Variants in UST observed in about 807,000 individuals in gnomAD.
UST encodes uronyl 2-sulfotransferase, also known as chondroitin sulfate 2-O-sulfotransferase.
UST carries 21 observed loss-of-function variants against 45.6 expected under a neutral mutation model. The observed-to-expected ratio is 0.46, with a 90% CI of 0.33 to 0.66. The LOEUF (loss-of-function observed/expected upper bound fraction) is 0.66. UST is among the 30% of genes least tolerant of loss of function. UST has a pLI of 0.02. For missense variants in UST, 463 were observed against 512.4 expected, an observed-to-expected ratio of 0.90 and a Z score of 0.93; for synonymous variants, 215 against 200.6, an observed-to-expected ratio of 1.07 and a Z score of -0.61.
chr6:148,766,984 T>G (rs866054082), intron 1 of UST, among the ~76,000 whole-genome samples: 1 of 152,250 alleles, frequency 6.6e-6, no homozygotes, highest in Non-Finnish European at 1.5e-5. Flanking sequence ...TCTCAAACTT[T>G]AATGTGCATG....
intron 2 of UST, among the ~76,000 whole-genome samples, chr6:148,936,973 G>C (rs1780038599): frequency 6.6e-6 from 1 of 152,110 alleles, no homozygotes; most frequent in Non-Finnish European, 1.5e-5. Flanking sequence ...GGGATTACAG[G>C]TATGAGCCAC....
At chr6:148,768,850 G>C (rs2114669837) in intron 1 of UST, among the ~76,000 whole-genome samples, 1 of 152,348 alleles carries the variant, frequency 6.6e-6, no homozygotes, top group Admixed American at 6.5e-5. Flanking sequence ...CGCGATACTA[G>C]AACCTGTGCT....
intron 2 of UST, among the ~76,000 whole-genome samples, chr6:148,917,950 T>C (rs2114890221): frequency 6.6e-6 from 1 of 152,326 alleles, no homozygotes. Flanking sequence ...TCTGTCGCTC[T>C]TGCTTGATAC....
chr6:148,941,542 A>C (rs1780126278), intron 3 of UST, 108 bp downstream of exon 3: 13 of 1,282,444 alleles, frequency 1.0e-5, no homozygotes, highest in Non-Finnish European at 1.4e-5. Context: ...TGAATACCAG[A>C]GTTTTGATTT....
At chr6:148,909,269 G>C (rs1201680912) in intron 2 of UST, among the ~76,000 whole-genome samples, 1 of 152,092 alleles carries the variant, frequency 6.6e-6, no homozygotes, top group Non-Finnish European at 1.5e-5. Context: ...CATTGTGATG[G>C]CTGCTAAAGG....
chr6:149,002,681 A>C (rs1781574021), intron 5 of UST, among the ~76,000 whole-genome samples: 1 of 151,902 alleles, frequency 6.6e-6, no homozygotes, highest in Admixed American at 6.6e-5. Flanking sequence ...TAATTTTTGT[A>C]TTTTTACTAG....
intron 5 of UST, among the ~76,000 whole-genome samples, chr6:148,972,882 ATTT>A (rs61252767): frequency 3.6e-4 from 54 of 148,808 alleles, no homozygotes; most frequent in East Asian, 1.4e-3. Flanking sequence ...GGGCTTTGGG[ATTT>A]TTTTTTTTTT....
intron 2 of UST, among the ~76,000 whole-genome samples, chr6:148,912,360 T>C (rs1779493096): frequency 6.6e-6 from 1 of 152,246 alleles, no homozygotes; most frequent in Non-Finnish European, 1.5e-5. Context: ...TCAGAGGACA[T>C]AAAACAGCAT....
chr6:148,786,393 C>G (rs979177014), intron 1 of UST, among the ~76,000 whole-genome samples: 5 of 152,066 alleles, frequency 3.3e-5, no homozygotes, highest in African/African-American at 7.2e-5. Flanking sequence ...CTTCCCACCC[C>G]CTGCCCTCGA....
At chr6:148,880,324 C>T (rs1161256927) in intron 1 of UST, among the ~76,000 whole-genome samples, 1 of 152,206 alleles carries the variant, frequency 6.6e-6, no homozygotes, top group Non-Finnish European at 1.5e-5. Context: ...GCAAACATGC[C>T]TTGGTTCTGC....
intron 5 of UST, among the ~76,000 whole-genome samples, chr6:148,966,540 T>C (rs61146464): frequency 0.085 from 12,868 of 152,268 alleles, 1,683 homozygotes; most frequent in African/African-American, 0.28. Context: ...TTATGAACAC[T>C]ACTCTTCAAA....
intron 2 of UST, among the ~76,000 whole-genome samples, chr6:148,891,549 G>A (rs1779018899): frequency 6.6e-6 from 1 of 152,116 alleles, no homozygotes; most frequent in African/African-American, 2.4e-5. Flanking sequence ...GATTTTAGAG[G>A]GACAGGCTAA....
intron 5 of UST, among the ~76,000 whole-genome samples, chr6:148,965,115 A>G (rs1780759915): frequency 2.0e-5 from 3 of 151,740 alleles, no homozygotes; most frequent in South Asian, 2.1e-4. Context: ...GCGCGATAGA[A>G]CCCTGTCATT....
In UST at chr6:148,748,399, TTGTG is replaced by T. The variant is rs34342100; in HGVS notation, c.247+773_247+776del. 0.088 allele frequency among the ~76,000 whole-genome samples: 11,191 copies of T among 127,174 alleles called. 475 individuals carry two copies. The highest frequency in any genetic ancestry group is 0.17 in the East Asian group (672 of 3,940). 83.4% of individuals were successfully genotyped at this position (127,174 alleles called of 152,430 possible). ...GTGCGTCTCAAGCTCAAGTCAAAACTTGTGTGTGTGTGTGTGTGTGTGTGTGTGT... is the reference window on the plus strand; with the variant it reads ...GTGCGTCTCAAGCTCAAGTCAAAACTTGTGTGTGTGTGTGTGTGTGTGTGT... On this transcript the variant is annotated intron_variant, in intron 1 of 7. Coordinates refer to ENST00000367463, the MANE Select transcript of UST (RefSeq NM_005715.3). This position sits in a 1 kb window ranked among gnomAD's most constrained non-coding sequence, Gnocchi z 5.3.
At position 148,969,624 on chromosome 6, in the gene UST, C is replaced by G. The variant is rs575652260; in HGVS notation, c.681+5061C>G. Among the ~76,000 whole-genome samples the G allele has an allele frequency of 3.9e-5, 6 of 152,270 alleles. No individual in the cohort carries two copies. In the East Asian group the frequency reaches 7.7e-4, roughly 20 times the overall value. On this transcript the variant is annotated intron_variant, in intron 5 of 7. Coordinates refer to ENST00000367463, the MANE Select transcript of UST (RefSeq NM_005715.3). ...CATTTCAGTATTGATGCTCCCACCC[C>G]CTTGGCTCCGTTACTGGCTCCACAT...
intron 1 of UST, among the ~76,000 whole-genome samples, chr6:148,792,050 G>A (rs9390610): frequency 0.11 from 16,504 of 152,136 alleles, 1,483 homozygotes; most frequent in East Asian, 0.55. Flanking sequence ...CAGAGGAAGC[G>A]GGGAAAGTGG....
At chr6:149,007,053 A>C (rs1279668724) in intron 5 of UST, among the ~76,000 whole-genome samples, 2 of 151,676 alleles carry the variant, frequency 1.3e-5, no homozygotes, top group African/African-American at 4.8e-5. Flanking sequence ...GGCTAACTTC[A>C]TGCATTCAAC....
intron 1 of UST, among the ~76,000 whole-genome samples, chr6:148,855,852 G>C (rs1022993236): frequency 6.6e-6 from 1 of 152,146 alleles, no homozygotes; most frequent in African/African-American, 2.4e-5. Flanking sequence ...AGTTTGTGTT[G>C]TGTAAATTAT....
intron 2 of UST, among the ~76,000 whole-genome samples, chr6:148,922,878 C>T (rs769338574): frequency 1.1e-4 from 17 of 152,196 alleles, no homozygotes; most frequent in Admixed American, 2.6e-4. Context: ...CTGCAACCTC[C>T]ACCTCCCAGG....
Sources: allele counts gnomAD v4.1 joint callset (sites outside exome capture counted in the v4.1 genomes callset), GRCh38; gene constraint gnomAD v4.1.1; non-coding constraint Gnocchi (gnomAD v3.1); transcripts MANE v1.5; gene names NCBI Gene and HGNC (gene_info 2026-07-23, HGNC 2026-07-21).